Variants in RELN observed in about 807,000 individuals in gnomAD.
RELN encodes reelin.
Under a neutral mutation model 427.6 loss-of-function variants are expected in RELN, and 108 were observed. That is an observed-to-expected ratio of 0.25 (90% confidence interval 0.22 to 0.30). The LOEUF is 0.30. Among genes scored for constraint, RELN ranks in the 10% least tolerant of loss-of-function variants. RELN has a pLI of 1.00. For missense variants in RELN, 3,715 were observed against 4,302.8 expected (o/e 0.86, Z 3.82); for synonymous variants, 1,524 against 1,513.4 (o/e 1.01, Z -0.16).
intron 46 of RELN, among the ~76,000 whole-genome samples, chr7:103,532,747 A>G (rs139993914): frequency 1.4e-3 from 217 of 152,184 alleles, no homozygotes; most frequent in Non-Finnish European, 2.3e-3. Flanking sequence ...CTTGTATTCA[A>G]CCTTCATATC....
At chr7:103,742,356 C>T (rs1178280563) in intron 6 of RELN, among the ~76,000 whole-genome samples, 4 of 152,108 alleles carry the variant, frequency 2.6e-5, no homozygotes, top group South Asian at 2.1e-4. Flanking sequence ...AAAATCAGAG[C>T]GCCTCTCCTC....
chr7:103,975,180 T>C (rs778235402), intron 1 of RELN, among the ~76,000 whole-genome samples: 10 of 152,254 alleles, frequency 6.6e-5, no homozygotes, highest in Non-Finnish European at 1.5e-4. Flanking sequence ...TAGATGATCC[T>C]CTTGATTAAT....
chr7:103,746,438 G>T (rs1790833451), intron 6 of RELN, among the ~76,000 whole-genome samples: 2 of 151,880 alleles, frequency 1.3e-5, no homozygotes, highest in South Asian at 2.1e-4. Flanking sequence ...AAACTAAAGA[G>T]CTTCTGCACA....
At chr7:103,770,913 CTTTTTTTTT>C (rs751942279) in intron 4 of RELN, among the ~76,000 whole-genome samples, 1 of 119,134 alleles carries the variant, frequency 8.4e-6, no homozygotes, top group South Asian at 2.7e-4. Flanking sequence ...CAATCGCTTA[CTTTTTTTTT>C]TTTTTTTTTT....
chr7:103,547,747 T>G (rs568901885), intron 41 of RELN, among the ~76,000 whole-genome samples: 1 of 152,370 alleles, frequency 6.6e-6, no homozygotes, highest in East Asian at 1.9e-4. Context: ...GCTGGAGTTT[T>G]CCTTTGAACA....
At chr7:103,675,612 G>T (rs1384698991) in intron 11 of RELN, among the ~76,000 whole-genome samples, 1 of 152,198 alleles carries the variant, frequency 6.6e-6, no homozygotes, top group Admixed American at 6.5e-5. Flanking sequence ...AAAGCTGGAG[G>T]CGTCATGCTA....
rs181595477 is a variant in RELN, at chr7:103,594,047, A to T, written c.3712-165T>A. ...CTGCTATTAACTTTTTCTCCTGATG[A>T]TTCAACAACTGAAAGTATTTTACCA... is the stretch of plus-strand genomic sequence containing the variant. On this transcript the variant is annotated intron_variant, in intron 26 of 64. Transcript: ENST00000428762. Among the ~76,000 whole-genome samples, 14 of 152,272 alleles carry T rather than the reference A, an allele frequency of 9.2e-5. No individual in the cohort carries two copies. The East Asian group carries it at 2.5e-3, about 27-fold the overall frequency.
At chr7:103,503,293 C>T in intron 51 of RELN, 63 bp from the exon 52 acceptor site, 1 of 1,477,158 alleles carries the variant, frequency 6.8e-7, no homozygotes, top group African/African-American at 1.4e-5. Flanking sequence ...TCTCCAAGGA[C>T]TTGGCAGCAA....
chr7:103,797,668 G>A (rs1792342134), intron 3 of RELN, among the ~76,000 whole-genome samples: 1 of 152,090 alleles, frequency 6.6e-6, no homozygotes, highest in Middle Eastern at 3.4e-3. Context: ...AAAATTTCCA[G>A]GCAGTGTAAT....
chr7:103,571,100 A>G (rs1830872986), intron 31 of RELN, among the ~76,000 whole-genome samples: 2 of 152,230 alleles, frequency 1.3e-5, no homozygotes, highest in Non-Finnish European at 2.9e-5. Flanking sequence ...TAAACCTTTC[A>G]GTTAGTGATA....
intron 1 of RELN, among the ~76,000 whole-genome samples, chr7:103,979,840 T>C (rs17157857): frequency 0.013 from 2,035 of 152,328 alleles, 55 homozygotes; most frequent in African/African-American, 0.045. Context: ...GTTCTATTAG[T>C]GTGTGAGAGA....
intron 41 of RELN, among the ~76,000 whole-genome samples, chr7:103,546,768 TGTA>T (rs1387891702): frequency 6.6e-6 from 1 of 152,200 alleles, no homozygotes; most frequent in Non-Finnish European, 1.5e-5. Flanking sequence ...GTTTGTGGCA[TGTA>T]ATTTGTTGTG....
intron 1 of RELN, among the ~76,000 whole-genome samples, chr7:103,964,506 G>T (rs921755127): frequency 2.0e-5 from 3 of 152,126 alleles, no homozygotes; most frequent in African/African-American, 7.2e-5. Flanking sequence ...CACCTATCCA[G>T]ATGGCTCAGT....
At chr7:103,672,009 A>G (rs905247401) in intron 11 of RELN, among the ~76,000 whole-genome samples, 50 of 152,156 alleles carry the variant, frequency 3.3e-4, no homozygotes, top group African/African-American at 1.1e-3. Context: ...AATATTCTAA[A>G]TCAGAGGTAA....
chr7:103,937,705 AAAG>A (rs1796017259), intron 1 of RELN, among the ~76,000 whole-genome samples: 1 of 152,258 alleles, frequency 6.6e-6, no homozygotes, highest in Non-Finnish European at 1.5e-5. Context: ...ACAAAAGATG[AAAG>A]AATGGCTTAA....
intron 8 of RELN, among the ~76,000 whole-genome samples, chr7:103,722,548 T>C (rs555313217): frequency 1.3e-5 from 2 of 152,146 alleles, no homozygotes; most frequent in African/African-American, 4.8e-5. Context: ...TGGAAGGTAA[T>C]AGAATAGACA....
At chr7:103,875,564 A>C (rs2116542468) in intron 2 of RELN, among the ~76,000 whole-genome samples, 2 of 152,318 alleles carry the variant, frequency 1.3e-5, no homozygotes, top group Middle Eastern at 3.4e-3. Flanking sequence ...AATGTGTTAC[A>C]CCAGAAAGAT....
intron 2 of RELN, among the ~76,000 whole-genome samples, chr7:103,881,583 ACTT>A (rs1298956331): frequency 6.6e-6 from 1 of 152,060 alleles, no homozygotes; most frequent in Non-Finnish European, 1.5e-5. Flanking sequence ...TCCAAATGAC[ACTT>A]CTTTTTGTTA....
At chr7:103,787,171 C>G (rs1792038730) in intron 3 of RELN, among the ~76,000 whole-genome samples, 1 of 152,110 alleles carries the variant, frequency 6.6e-6, no homozygotes, top group Non-Finnish European at 1.5e-5. Context: ...ACACAACATA[C>G]TAGAATCTCT....
Sources: allele counts gnomAD v4.1 joint callset (sites outside exome capture counted in the v4.1 genomes callset), GRCh38; gene constraint gnomAD v4.1.1; transcripts MANE v1.5; gene names NCBI Gene and HGNC (gene_info 2026-07-23, HGNC 2026-07-21).